Variants in FSTL5 observed in about 807,000 individuals in gnomAD.
FSTL5 encodes the protein follistatin like 5, also known as follistatin-related protein 5.
A neutral mutation model predicts 89.1 loss-of-function variants in FSTL5; 62 were observed. That is an observed-to-expected ratio of 0.70 (90% CI 0.57 to 0.86). The LOEUF is 0.86. Ranked by LOEUF, FSTL5 falls within the 40% of genes least tolerant of loss-of-function variation. The probability of loss-of-function intolerance (pLI) is 0.00; values close to 1 mark genes in which losing one functional copy is unlikely to be tolerated. For missense variants in FSTL5, 1,057 were observed against 1,001.6 expected, an observed-to-expected ratio of 1.06 and a Z score of -0.75; for synonymous variants, 383 against 346.2, an observed-to-expected ratio of 1.11 and a Z score of -1.18.
At chr4:161,869,827 G>A (rs569185330) in intron 4 of FSTL5, among the ~76,000 whole-genome samples, 6 of 152,284 alleles carry the variant, frequency 3.9e-5, no homozygotes, top group African/African-American at 1.2e-4. Context: ...TTTGTCCAGG[G>A]TGTATGTGTC....
chr4:161,455,470 G>A (rs1212375779), intron 14 of FSTL5, among the ~76,000 whole-genome samples: 2 of 152,074 alleles, frequency 1.3e-5, no homozygotes, highest in East Asian at 3.9e-4. Flanking sequence ...CAAGTAATGT[G>A]TGATATTAGG....
At chr4:162,067,683 T>C (rs889422674) in intron 2 of FSTL5, among the ~76,000 whole-genome samples, 8 of 151,960 alleles carry the variant, frequency 5.3e-5, no homozygotes, top group Non-Finnish European at 2.9e-5. Context: ...CAACATAATA[T>C]TGGAAGTTCT....
intron 4 of FSTL5, among the ~76,000 whole-genome samples, chr4:161,797,691 T>C (rs1729674791): frequency 6.6e-6 from 1 of 151,592 alleles, no homozygotes; most frequent in Non-Finnish European, 1.5e-5. Context: ...CTCTGTTTAT[T>C]AAAGGATTCA....
At chr4:161,478,350 G>A (rs1729369769) in intron 13 of FSTL5, among the ~76,000 whole-genome samples, 1 of 152,048 alleles carries the variant, frequency 6.6e-6, no homozygotes, top group South Asian at 2.1e-4. Flanking sequence ...TTGAGCTTTT[G>A]TTCATAATAT....
chr4:161,823,259 G>A (rs1730551013), intron 4 of FSTL5, among the ~76,000 whole-genome samples: 3 of 152,080 alleles, frequency 2.0e-5, no homozygotes, highest in Admixed American at 2.0e-4. Flanking sequence ...TCACCCAAGA[G>A]CTTGATGGCT....
At chr4:162,098,185 A>G (rs1264933978) in intron 2 of FSTL5, among the ~76,000 whole-genome samples, 1 of 152,022 alleles carries the variant, frequency 6.6e-6, no homozygotes, top group Non-Finnish European at 1.5e-5. Context: ...ATGAATCTCA[A>G]TATTATTCTG....
chr4:161,906,086 A>G (rs1249702604), intron 4 of FSTL5, among the ~76,000 whole-genome samples: 1 of 152,060 alleles, frequency 6.6e-6, no homozygotes, highest in Non-Finnish European at 1.5e-5. Context: ...AATAATAACC[A>G]TACTTTCTTT....
chr4:161,981,204 A>C (rs1261854050), intron 3 of FSTL5, among the ~76,000 whole-genome samples: 1 of 152,194 alleles, frequency 6.6e-6, no homozygotes, highest in Non-Finnish European at 1.5e-5. Flanking sequence ...ACCAAATTTC[A>C]TGTGCTCCTT....
intron 15 of FSTL5, among the ~76,000 whole-genome samples, chr4:161,444,531 A>G (rs1486269946): frequency 1.3e-5 from 2 of 151,794 alleles, no homozygotes; most frequent in Non-Finnish European, 2.9e-5. Flanking sequence ...CAAAATGCCA[A>G]GAGGACTTCA....
intron 3 of FSTL5, among the ~76,000 whole-genome samples, chr4:161,969,380 A>G (rs914258194): frequency 6.6e-6 from 1 of 152,162 alleles, no homozygotes; most frequent in Non-Finnish European, 1.5e-5. Flanking sequence ...AAAAGTGCAA[A>G]TTAAGACAAT....
At chr4:161,527,569 G>C (rs975465254) in intron 10 of FSTL5, among the ~76,000 whole-genome samples, 4 of 152,086 alleles carry the variant, frequency 2.6e-5, no homozygotes, top group African/African-American at 4.8e-5. Context: ...GGCTATCAGA[G>C]AAATGCAAAT....
chr4:161,486,848 C>T (rs1729699973), intron 12 of FSTL5, among the ~76,000 whole-genome samples: 1 of 152,088 alleles, frequency 6.6e-6, no homozygotes, highest in African/African-American at 2.4e-5. Flanking sequence ...TAATTAATTA[C>T]AAATGTATAA....
intron 7 of FSTL5, among the ~76,000 whole-genome samples, chr4:161,627,642 A>G (rs1735361505): frequency 6.6e-6 from 1 of 152,184 alleles, no homozygotes; most frequent in Non-Finnish European, 1.5e-5. Flanking sequence ...ATTACAGAAT[A>G]TTAACTTTTA....
At chr4:161,827,774 C>T (rs1400622319) in intron 4 of FSTL5, among the ~76,000 whole-genome samples, 2 of 152,112 alleles carry the variant, frequency 1.3e-5, no homozygotes, top group Non-Finnish European at 2.9e-5. Context: ...TCCCATGCAG[C>T]CCAAAAGGCT....
At chr4:161,925,250 T>C (rs1465765799) in intron 3 of FSTL5, among the ~76,000 whole-genome samples, 1 of 151,930 alleles carries the variant, frequency 6.6e-6, no homozygotes, top group East Asian at 1.9e-4. Flanking sequence ...ATATACTTCT[T>C]AATTTAAATC....
At chr4:161,850,253 G>A (rs754269371) in intron 4 of FSTL5, among the ~76,000 whole-genome samples, 11 of 152,236 alleles carry the variant, frequency 7.2e-5, no homozygotes, top group South Asian at 2.1e-4. Context: ...CTATTTATAC[G>A]GAATAATAAC....
At chr4:161,881,446 C>T (rs1054317431) in intron 4 of FSTL5, among the ~76,000 whole-genome samples, 3 of 151,774 alleles carry the variant, frequency 2.0e-5, no homozygotes, top group African/African-American at 4.8e-5. Context: ...CCAAGTAATA[C>T]AATAAAAAAC....
At chr4:162,062,806 A>G (rs997458006) in intron 2 of FSTL5, among the ~76,000 whole-genome samples, 1 of 151,496 alleles carries the variant, frequency 6.6e-6, no homozygotes, top group African/African-American at 2.4e-5. Flanking sequence ...ATTTTATTAA[A>G]AAAACCCAGA....
intron 2 of FSTL5, among the ~76,000 whole-genome samples, chr4:162,091,589 T>C (rs548519961): frequency 6.6e-6 from 1 of 152,236 alleles, no homozygotes; most frequent in South Asian, 2.1e-4. Context: ...TCTTTAGAAG[T>C]TCTATTCTTA....
Sources: gnomAD v4.1 joint callset for allele counts (sites outside exome capture counted in the v4.1 genomes callset) on GRCh38, gnomAD v4.1.1 for gene constraint, MANE v1.5 for transcripts, NCBI Gene and HGNC (gene_info 2026-07-23, HGNC 2026-07-21) for gene names.